Variants in RBFOX1 observed in about 807,000 individuals in gnomAD.
RBFOX1 encodes RNA binding protein fox-1 homolog 1.
In RBFOX1, 8 loss-of-function variants were observed where a neutral mutation model predicts 57.7. That is an observed-to-expected ratio of 0.14 (90% CI 0.08 to 0.25). The LOEUF is 0.25. RBFOX1 is among the 10% of genes least tolerant of loss of function. RBFOX1 has a pLI of 1.00. For missense variants in RBFOX1, 611 were observed against 548.5 expected (o/e 1.11, Z -1.14); for synonymous variants, 326 against 222.4 (o/e 1.47, Z -4.15).
intron 2 of RBFOX1, among the ~76,000 whole-genome samples, chr16:6,523,282 G>A (rs138696554): frequency 1.3e-5 from 2 of 152,096 alleles, no homozygotes; most frequent in African/African-American, 4.8e-5. Context: ...ACAGAGGGAG[G>A]GGGGGTTAGT....
chr16:6,371,021 C>T (rs1600221516), intron 2 of RBFOX1, among the ~76,000 whole-genome samples: 1 of 152,038 alleles, frequency 6.6e-6, no homozygotes. Context: ...AGGGATACCC[C>T]CAAGTAATAA....
chr16:7,258,325 AATG>A lies in RBFOX1; in HGVS notation c.27+206230_27+206232del, dbSNP rs1307242116. Among the ~76,000 whole-genome samples, 10 of 152,312 alleles carry A rather than the reference AATG, an allele frequency of 6.6e-5. No individual in the cohort carries two copies. The South Asian group carries it at 1.2e-3, about 19-fold the overall frequency. ...TATTTTATACATTAAAATGAGTGAA[AATG>A]ATAAGAAATATTAATGGTTGTAATT... is the stretch of plus-strand genomic sequence containing the variant. On this transcript the variant is annotated intron_variant, in intron 4 of 15. Coordinates refer to ENST00000550418, the MANE Select transcript of RBFOX1 (RefSeq NM_018723.4).
intron 2 of RBFOX1, among the ~76,000 whole-genome samples, chr16:6,513,933 G>A (rs182916218): frequency 1.3e-5 from 2 of 152,272 alleles, no homozygotes; most frequent in East Asian, 1.9e-4. Context: ...AAAACGGGCT[G>A]ATGGGAAGAA....
At chr16:7,632,730 A>G (rs1435872527) in intron 11 of RBFOX1, among the ~76,000 whole-genome samples, 3 of 152,166 alleles carry the variant, frequency 2.0e-5, no homozygotes, top group Admixed American at 2.0e-4. Context: ...AGTGTCTGGG[A>G]TAAAATCTTT....
intron 1 of RBFOX1, among the ~76,000 whole-genome samples, chr16:6,033,319 A>T (rs1264233155): frequency 6.6e-6 from 1 of 152,166 alleles, no homozygotes; most frequent in African/African-American, 2.4e-5. Flanking sequence ...GCTTTGCTTT[A>T]TTTATTTAAT....
At chr16:6,113,335 C>A (rs1421494358) in intron 1 of RBFOX1, among the ~76,000 whole-genome samples, 2 of 152,260 alleles carry the variant, frequency 1.3e-5, no homozygotes, top group Admixed American at 6.5e-5. Flanking sequence ...GTGGCCAAAT[C>A]CAAGGTTAAG....
chr16:5,806,150 GT>G (rs755262395), intron 3 of RBFOX1, among the ~76,000 whole-genome samples: 49 of 151,972 alleles, frequency 3.2e-4, no homozygotes, highest in Non-Finnish European at 4.4e-4. Flanking sequence ...CTACAATTCA[GT>G]TCTCTCATTT....
intron 3 of RBFOX1, among the ~76,000 whole-genome samples, chr16:5,662,690 T>C (rs965243778): frequency 1.3e-5 from 2 of 152,206 alleles, no homozygotes; most frequent in Non-Finnish European, 2.9e-5. Flanking sequence ...GTGGAATTTT[T>C]TGAATGTTTC....
At chr16:5,959,311 G>C (rs2059704910) in intron 4 of RBFOX1, among the ~76,000 whole-genome samples, 1 of 152,186 alleles carries the variant, frequency 6.6e-6, no homozygotes. Context: ...CCAATTCCCA[G>C]GTTTCTTCCT....
chr16:7,392,441 A>C (rs562513797), intron 4 of RBFOX1, among the ~76,000 whole-genome samples: 2 of 152,292 alleles, frequency 1.3e-5, no homozygotes, highest in East Asian at 3.9e-4. Flanking sequence ...TAGGTACTCC[A>C]CAAGCAGTTA....
chr16:6,125,197 C>G (rs1046844015), intron 1 of RBFOX1, among the ~76,000 whole-genome samples: 1 of 152,182 alleles, frequency 6.6e-6, no homozygotes, highest in Non-Finnish European at 1.5e-5. Flanking sequence ...ACAGTCATAT[C>G]TTTGTCAAGC....
intron 3 of RBFOX1, among the ~76,000 whole-genome samples, chr16:5,811,261 G>A (rs1375754764): frequency 6.9e-6 from 1 of 144,972 alleles, no homozygotes; most frequent in South Asian, 2.2e-4. Flanking sequence ...AGCCTCCCAA[G>A]TAGCTGGGAT....
At chr16:6,703,258 C>T (rs907594033) in intron 3 of RBFOX1, among the ~76,000 whole-genome samples, 2 of 151,882 alleles carry the variant, frequency 1.3e-5, no homozygotes, top group Non-Finnish European at 2.9e-5. Flanking sequence ...ATTATTATTA[C>T]AGAGCTGTTA....
chr16:7,480,864 C>T (rs1301111051), intron 4 of RBFOX1, among the ~76,000 whole-genome samples: 1 of 152,142 alleles, frequency 6.6e-6, no homozygotes, highest in Admixed American at 6.5e-5. Flanking sequence ...TAAAAGTTGT[C>T]CTCCTGGGGC....
At chr16:5,435,882 G>A (rs1211080097) in intron 1 of RBFOX1, among the ~76,000 whole-genome samples, 1 of 152,194 alleles carries the variant, frequency 6.6e-6, no homozygotes, top group East Asian at 1.9e-4. Context: ...TGTTATTTTC[G>A]ACTATCAACA....
Position 7,324,456 on chromosome 16 carries a change from G to C in RBFOX1, c.28-193691G>C, listed in dbSNP as rs990270241. Among the ~76,000 whole-genome samples the C allele has an allele frequency of 3.9e-5, 6 of 152,266 alleles. No individual in the cohort carries two copies. The East Asian group carries it at 9.7e-4, about 25-fold the overall frequency. On this transcript the variant is annotated intron_variant, in intron 4 of 15. Coordinates refer to ENST00000550418, the MANE Select transcript of RBFOX1 (RefSeq NM_018723.4). ...AGCTGCATCCTCCCCCCTTCTGAGAGGCCTCAGGGGGTATTTGTTTGCCTC... is the reference window on the plus strand; with the variant it reads ...AGCTGCATCCTCCCCCCTTCTGAGACGCCTCAGGGGGTATTTGTTTGCCTC...
chr16:5,909,039 C>G (rs2058547570), intron 4 of RBFOX1, among the ~76,000 whole-genome samples: 2 of 151,436 alleles, frequency 1.3e-5, no homozygotes, highest in South Asian at 2.1e-4. Context: ...TGTGTATAAA[C>G]CACTTAGTTC....
At chr16:5,686,931 C>T (rs1001785075) in intron 3 of RBFOX1, among the ~76,000 whole-genome samples, 5 of 152,022 alleles carry the variant, frequency 3.3e-5, no homozygotes, top group African/African-American at 1.2e-4. Context: ...GTTTAAGCTT[C>T]GAATACTTCA....
rs2059169529 is a variant in RBFOX1, at chr16:7,459,577, A to G, written c.28-58570A>G. 7.9e-5 allele frequency among the ~76,000 whole-genome samples: 12 copies of G among 152,344 alleles called. No individual in the cohort carries two copies. The South Asian group carries it at 2.5e-3, about 32-fold the overall frequency. ...ATTTCATCTGTTAATTGGAAAAGTTACAGATATTGCAGCCATTCACCTTAT... is the reference window on the plus strand; with the variant it reads ...ATTTCATCTGTTAATTGGAAAAGTTGCAGATATTGCAGCCATTCACCTTAT... On this transcript the variant is annotated intron_variant, in intron 4 of 15. Coordinates refer to ENST00000550418, the MANE Select transcript of RBFOX1 (RefSeq NM_018723.4).
Sources: allele counts gnomAD v4.1 joint callset (sites outside exome capture counted in the v4.1 genomes callset), GRCh38; gene constraint gnomAD v4.1.1; transcripts MANE v1.5; gene names NCBI Gene and HGNC (gene_info 2026-07-23, HGNC 2026-07-21).